The following DTWD2 variants were observed in gnomAD, a reference collection of about 807,000 sequenced individuals.
DTWD2 encodes the protein DTW motif tRNA-uridine aminocarboxypropyltransferase 2.
Under a neutral mutation model 31.8 loss-of-function variants are expected in DTWD2, and 39 were observed. The ratio of observed to expected loss-of-function variants is 1.22; its 90% CI spans 0.95 to 1.60. The LOEUF (loss-of-function observed/expected upper bound fraction) is 1.60. Among genes scored for constraint, DTWD2 ranks in the 40% most tolerant of loss-of-function variants. DTWD2 has a pLI of 0.00. For synonymous variants in DTWD2, 180 were observed against 142.8 expected, an observed-to-expected ratio of 1.26 and a Z score of -1.86; for missense variants, 515 against 381.5, an observed-to-expected ratio of 1.35 and a Z score of -2.92.
At chr5:118,845,902 T>C (rs766131495) in intron 5 of DTWD2, among the ~76,000 whole-genome samples, 1 of 152,168 alleles carries the variant, frequency 6.6e-6, no homozygotes, top group East Asian at 1.9e-4. Flanking sequence ...TCTAGCAAGA[T>C]TCAAGTCAGC....
intron 1 of DTWD2, among the ~76,000 whole-genome samples, chr5:118,983,067 A>G (rs1310503683): frequency 6.6e-6 from 1 of 152,064 alleles, no homozygotes; most frequent in East Asian, 1.9e-4. Flanking sequence ...AGGAATTACC[A>G]TTTTTCACTT....
chr5:118,842,286 A>T (rs1165256587), intron 5 of DTWD2, among the ~76,000 whole-genome samples: 1 of 152,206 alleles, frequency 6.6e-6, no homozygotes, highest in African/African-American at 2.4e-5. Flanking sequence ...TACATTCACT[A>T]ATGACCCAAT....
At chr5:118,841,832 T>G (rs141608378) in intron 5 of DTWD2, among the ~76,000 whole-genome samples, 30 of 152,184 alleles carry the variant, frequency 2.0e-4, no homozygotes, top group African/African-American at 7.0e-4. Flanking sequence ...GTGAGATTCC[T>G]TCCTTGGGCC....
intron 4 of DTWD2, among the ~76,000 whole-genome samples, chr5:118,896,399 T>C (rs1753084571): frequency 6.6e-6 from 1 of 151,444 alleles, no homozygotes; most frequent in African/African-American, 2.4e-5. Context: ...CATTTTCAGA[T>C]GAAAAACATG....
chr5:118,912,499 C>T (rs993189174), intron 4 of DTWD2, among the ~76,000 whole-genome samples: 2 of 152,244 alleles, frequency 1.3e-5, no homozygotes, highest in African/African-American at 2.4e-5. Flanking sequence ...CCAACCACCC[C>T]GGTCTTCATT....
chr5:118,935,707 A>G (rs1262107948), intron 3 of DTWD2, among the ~76,000 whole-genome samples: 3 of 152,216 alleles, frequency 2.0e-5, no homozygotes, highest in Non-Finnish European at 4.4e-5. Context: ...TACGAAATAC[A>G]TATTCACCTA....
intron 1 of DTWD2, among the ~76,000 whole-genome samples, chr5:118,982,730 C>G (rs1401357191): frequency 6.8e-6 from 1 of 147,246 alleles, no homozygotes; most frequent in Non-Finnish European, 1.5e-5. Context: ...GCTCTGTCGC[C>G]GAGGCTGGAG....
chr5:118,985,488 TTTTATATATATATATA>T (rs1170681782), intron 1 of DTWD2, among the ~76,000 whole-genome samples: 3 of 27,146 alleles, frequency 1.1e-4, no homozygotes, highest in East Asian at 3.2e-3. Context: ...TTATGTGCAT[TTTTATATATATATATA>T]TATATATATA....
At chr5:118,932,613 G>A (rs1270440133) in intron 3 of DTWD2, among the ~76,000 whole-genome samples, 1 of 152,152 alleles carries the variant, frequency 6.6e-6, no homozygotes, top group African/African-American at 2.4e-5. Flanking sequence ...CCATTAGGGT[G>A]GTCCCTATTC....
chr5:118,850,469 C>T (rs1338081302), intron 4 of DTWD2, among the ~76,000 whole-genome samples: 1 of 107,560 alleles, frequency 9.3e-6, no homozygotes, highest in Non-Finnish European at 1.7e-5. Context: ...CAGAGCCAGA[C>T]CCCACCACAA....
chr5:118,919,545 A>G (rs1048715676), intron 4 of DTWD2, among the ~76,000 whole-genome samples: 3 of 152,248 alleles, frequency 2.0e-5, no homozygotes, highest in African/African-American at 7.2e-5. Flanking sequence ...CAAGTGTTCT[A>G]TGCTCAAAAA....
At chr5:118,883,233 A>G (rs1330708035) in intron 4 of DTWD2, among the ~76,000 whole-genome samples, 1 of 152,144 alleles carries the variant, frequency 6.6e-6, no homozygotes, top group Non-Finnish European at 1.5e-5. Flanking sequence ...CCAGTTCCCA[A>G]TAAGTTCCTC....
chr5:118,889,548 G>C (rs986407409), intron 4 of DTWD2, among the ~76,000 whole-genome samples: 7 of 151,944 alleles, frequency 4.6e-5, no homozygotes, highest in Non-Finnish European at 1.0e-4. Flanking sequence ...ATATTTATTT[G>C]TATATAAATA....
intron 1 of DTWD2, among the ~76,000 whole-genome samples, chr5:118,961,059 T>C (rs905784467): frequency 8.0e-6 from 1 of 124,412 alleles, no homozygotes; most frequent in Non-Finnish European, 1.6e-5. Context: ...CCTGCACATG[T>C]ACCCCCAAAA....
chr5:118,884,830 C>T (rs915935818), intron 4 of DTWD2, among the ~76,000 whole-genome samples: 1 of 150,992 alleles, frequency 6.6e-6, no homozygotes, highest in Non-Finnish European at 1.5e-5. Context: ...CACGGTGAAA[C>T]CCGGCCTCTA....
In DTWD2 at chr5:118,988,487, T is replaced by A. The variant is rs1344829532; in HGVS notation, c.25A>T (p.Thr9Ser). Residue 9 changes from threonine to serine, a missense_variant, in exon 1 of 6, where the codon ACA (threonine) becomes TCA (serine). Coordinates refer to ENST00000510708, the MANE Select transcript of DTWD2 (RefSeq NM_173666.4). ...GGCCGCGCAACGGGCTCCTGGAGTG[T>A]TCGTGCCTCTTTCTGCGACTCCATG... MESQKEAR[T>S]LQEPVARPSG... 1 of 1,589,574 alleles carries A rather than the reference T, an allele frequency of 6.3e-7. No homozygotes were observed.
chr5:118,915,308 A>T (rs1753548996), intron 4 of DTWD2, among the ~76,000 whole-genome samples: 1 of 152,122 alleles, frequency 6.6e-6, no homozygotes, highest in South Asian at 2.1e-4. Flanking sequence ...AATCAGAAAT[A>T]AAAATAAGGA....
At chr5:118,973,915 T>C (rs1159340804) in intron 1 of DTWD2, 2 of 1,603,282 alleles carry the variant, frequency 1.2e-6, no homozygotes, top group Non-Finnish European at 1.7e-6. Flanking sequence ...GGAATGCTAA[T>C]GAGGAAAATG....
At chr5:118,862,149 C>T (rs779686764) in intron 4 of DTWD2, among the ~76,000 whole-genome samples, 15 of 152,218 alleles carry the variant, frequency 9.9e-5, no homozygotes, top group African/African-American at 1.4e-4. Context: ...ATCTAGGTTG[C>T]ACATTCCTTA....
Sources: allele counts gnomAD v4.1 joint callset (sites outside exome capture counted in the v4.1 genomes callset), GRCh38; gene constraint gnomAD v4.1.1; transcripts MANE v1.5; gene names NCBI Gene and HGNC (gene_info 2026-07-23, HGNC 2026-07-21).